DHX40: variants seen among roughly 807,000 people sequenced by gnomAD.
DHX40 encodes probable ATP-dependent RNA helicase DHX40.
In DHX40, 28 loss-of-function variants were observed where a neutral mutation model predicts 89.6. The observed-to-expected ratio is 0.31, with a 90% CI of 0.23 to 0.43. The LOEUF (loss-of-function observed/expected upper bound fraction) is 0.43. DHX40 is among the 20% of genes least tolerant of loss of function. The pLI is 1.00. For missense variants in DHX40, 457 were observed against 844.0 expected (o/e 0.54, Z 5.68); for synonymous variants, 226 against 283.6 (o/e 0.80, Z 2.04).
chr17:59,607,071 A>C lies in DHX40; in HGVS notation c.2239A>C (p.Arg747=), dbSNP rs952888934. The C allele has an allele frequency of 1.9e-6, 3 of 1,614,152 alleles. No homozygotes were observed. Among genetic ancestry groups the C allele is most frequent in the Non-Finnish European group, 2.5e-6 (3 of 1,180,028 alleles). Residue 747 remains arginine (R), a synonymous_variant, in exon 18 of 18, where the codon AGA becomes CGA. Coordinates refer to ENST00000251241, the MANE Select transcript of DHX40 (RefSeq NM_024612.5). The part of the protein sequence containing the change: ...SKDVLKKMQR[R]NDDKSISDAR... ...AGACGTCTTAAAGAAAATGCAAAGA[A>C]GAAATGATGACAAATCCATATCTGA...
At chr17:59,570,261 TATA>T (rs1003575979) in intron 2 of DHX40, among the ~76,000 whole-genome samples, 54 of 129,154 alleles carry the variant, frequency 4.2e-4, no homozygotes, top group South Asian at 2.2e-3. Context: ...TATAAATATA[TATA>T]ATATAAACTG....
At chr17:59,566,339 A>C (rs1567851789) in intron 1 of DHX40, among the ~76,000 whole-genome samples, 1 of 152,226 alleles carries the variant, frequency 6.6e-6, no homozygotes, top group Non-Finnish European at 1.5e-5. Context: ...GTAAGTATGC[A>C]TGTGTATACG....
At chr17:59,600,360 C>G (rs1367487875) in intron 14 of DHX40, among the ~76,000 whole-genome samples, 1 of 151,692 alleles carries the variant, frequency 6.6e-6, no homozygotes, top group African/African-American at 2.4e-5. Context: ...AAAAATTTTG[C>G]TTAACTTTGC....
chr17:59,571,388 C>T (rs1458960711), intron 3 of DHX40, among the ~76,000 whole-genome samples: 2 of 149,288 alleles, frequency 1.3e-5, no homozygotes, highest in Non-Finnish European at 3.0e-5. Context: ...ACCCGGGAGG[C>T]GGAGGTTGCG....
Position 59,593,930 on chromosome 17 carries a change from C to T in DHX40, c.1583-4807C>T, listed in dbSNP as rs944459704. Among the ~76,000 whole-genome samples the T allele has an allele frequency of 7.7e-4, 114 of 148,764 alleles. 2 individuals carry two copies. Among genetic ancestry groups the T allele is most frequent in the Non-Finnish European group, 1.5e-4 (10 of 66,574 alleles). Reference sequence around the variant, plus strand: ...CTCCAGCGGTCAGTCAGTGATTGGTCGGAGGTTGTACCTAGCTAAGCCTTT... The same window carrying T: ...CTCCAGCGGTCAGTCAGTGATTGGTTGGAGGTTGTACCTAGCTAAGCCTTT... On this transcript the variant is annotated intron_variant, in intron 12 of 17. Transcript: ENST00000251241.
At chr17:59,573,300 G>A (rs546929692) in intron 4 of DHX40, 65 bp downstream of exon 4, 6 of 1,433,090 alleles carry the variant, frequency 4.2e-6, no homozygotes, top group Admixed American at 2.3e-5. Flanking sequence ...GCTTTTTATT[G>A]TGTAGAGAAT....
intron 12 of DHX40, among the ~76,000 whole-genome samples, chr17:59,595,664 G>A (rs375394143): frequency 6.4e-4 from 76 of 118,712 alleles, no homozygotes; most frequent in African/African-American, 1.7e-3. Flanking sequence ...TAAGCATTTC[G>A]TGGGGCGGGG....
chr17:59,585,960 G>A (rs1185902234), intron 10 of DHX40, among the ~76,000 whole-genome samples, 193 bp from the exon 11 acceptor site: 2 of 151,520 alleles, frequency 1.3e-5, no homozygotes, highest in Non-Finnish European at 2.9e-5. Flanking sequence ...TTGAAGTAGA[G>A]GAGTGTGATT....
chr17:59,589,367 G>A (rs1187191442), intron 12 of DHX40, among the ~76,000 whole-genome samples: 10 of 151,046 alleles, frequency 6.6e-5, no homozygotes, highest in Non-Finnish European at 1.3e-4. Context: ...GACTACAGGC[G>A]CCCGCCACAA....
At position 59,586,149 on chromosome 17, in the gene DHX40, A is replaced by G. The variant is rs764013828; in HGVS notation, c.1344-4A>G. The G allele has an allele frequency of 1.9e-6, 3 of 1,584,516 alleles. No homozygotes were observed. In the South Asian group the frequency reaches 3.5e-5, roughly 18 times the overall value. On this transcript the variant is annotated splice_region_variant and splice_polypyrimidine_tract_variant and intron_variant, in intron 10 of 17. Transcript: ENST00000251241. ...CTCACTTCATATCTCATTTAAACAC[A>G]CAGGTTTCCCTATTTGGATCCACCT...
intron 12 of DHX40, among the ~76,000 whole-genome samples, chr17:59,594,480 G>A (rs2049124121): frequency 6.6e-6 from 1 of 151,644 alleles, no homozygotes; most frequent in Non-Finnish European, 1.5e-5. Flanking sequence ...TCCTATCTGG[G>A]TCCTCCCTAA....
chr17:59,600,371 A>C (rs1025620038), intron 14 of DHX40, among the ~76,000 whole-genome samples: 4 of 152,180 alleles, frequency 2.6e-5, no homozygotes, highest in Middle Eastern at 3.4e-3. Context: ...TTAACTTTGC[A>C]GTTTTTAAGA....
At chr17:59,596,687 A>G (rs1444795798) in intron 12 of DHX40, among the ~76,000 whole-genome samples, 16 of 152,230 alleles carry the variant, frequency 1.1e-4, no homozygotes, top group Admixed American at 5.9e-4. Flanking sequence ...GAGATAAATC[A>G]TATTCTTTTT....
chr17:59,572,506 G>C (rs914539584), intron 3 of DHX40, among the ~76,000 whole-genome samples: 1 of 152,124 alleles, frequency 6.6e-6, no homozygotes, highest in African/African-American at 2.4e-5. Flanking sequence ...AGCCTCCCAA[G>C]TAGCTGGGAC....
intron 2 of DHX40, among the ~76,000 whole-genome samples, chr17:59,568,054 G>A (rs1261033465): frequency 6.6e-6 from 1 of 151,690 alleles, no homozygotes; most frequent in African/African-American, 2.4e-5. Context: ...CCAACATGGT[G>A]AAACCCGTCT....
rs560419973 is a variant in DHX40 at position 59,607,279 on chromosome 17, G to T, written c.*107G>T. The T allele has an allele frequency of 8.2e-5, 132 of 1,605,684 alleles. No homozygotes were observed. The East Asian group carries it at 2.7e-3, about 32-fold the overall frequency. The stretch of plus-strand genomic sequence containing the variant: ...TACCAAGAGGAGGTGGTCAGCACTT[G>T]TTATTGGCCTATGAACTAAAAGCAA... On this transcript the variant is annotated 3_prime_UTR_variant, in exon 18 of 18. Coordinates refer to ENST00000251241, the MANE Select transcript of DHX40 (RefSeq NM_024612.5).
intron 12 of DHX40, among the ~76,000 whole-genome samples, chr17:59,596,070 T>G (rs9912667): frequency 0.2 from 29,964 of 151,662 alleles, 3,391 homozygotes; most frequent in African/African-American, 0.32. Flanking sequence ...AAGTTAAAAT[T>G]TATCAAAAAT....
At chr17:59,602,448 T>G in intron 14 of DHX40, 74 bp from the exon 15 acceptor site, 1 of 1,346,412 alleles carries the variant, frequency 7.4e-7, no homozygotes, top group Non-Finnish European at 1.0e-6. Context: ...TTTAGAAATG[T>G]GGATTTTTCA....
Position 59,605,501 on chromosome 17 carries a change from C to A in DHX40, c.2027C>A (p.Thr676Asn), listed in dbSNP as rs752547846. 1 of 1,614,060 alleles carries A rather than the reference C, an allele frequency of 6.2e-7. No homozygotes were observed. Among genetic ancestry groups the A allele is most frequent in the South Asian group, 1.1e-5 (1 of 91,082 alleles). Reference sequence around the variant, plus strand: ...ATCATTTTTCATGAGGTATTGGTTACCACCAAAGTCTACGCAAGAATTGTA... The same window carrying A: ...ATCATTTTTCATGAGGTATTGGTTAACACCAAAGTCTACGCAAGAATTGTA... Reference protein sequence around the residue: ...EWIIFHEVLVTTKVYARIVCP... With the variant: ...EWIIFHEVLVNTKVYARIVCP... The change falls in exon 17 of 18, where the codon ACC becomes AAC. Residue 676 changes from threonine to asparagine, a missense_variant. Thr to Asn is a moderately conservative substitution (Grantham distance 65). Coordinates refer to ENST00000251241, the MANE Select transcript of DHX40 (RefSeq NM_024612.5).
Sources: allele counts gnomAD v4.1 joint callset (sites outside exome capture counted in the v4.1 genomes callset), GRCh38; gene constraint gnomAD v4.1.1; transcripts MANE v1.5; gene names NCBI Gene and HGNC (gene_info 2026-07-23, HGNC 2026-07-21).